Variants in AKIRIN2 observed in about 807,000 individuals in gnomAD.
AKIRIN2 encodes akirin-2.
Under a neutral mutation model 29.3 loss-of-function variants are expected in AKIRIN2, and 6 were observed. The observed-to-expected ratio is 0.20, with a 90% CI of 0.11 to 0.40. AKIRIN2 has a LOEUF of 0.40. Ranked by LOEUF, AKIRIN2 falls within the 10% of genes least tolerant of loss-of-function variation. The pLI, the probability that AKIRIN2 is intolerant of heterozygous loss-of-function variation, is 1.00. For missense variants in AKIRIN2, 210 were observed against 276.1 expected (o/e 0.76, Z 1.70); for synonymous variants, 128 against 117.5 (o/e 1.09, Z -0.58).
chr6:87,697,260 T>G (rs1771385334), intron 1 of AKIRIN2, among the ~76,000 whole-genome samples: 1 of 149,650 alleles, frequency 6.7e-6, no homozygotes, highest in Admixed American at 6.6e-5. Flanking sequence ...TTGCAATGAG[T>G]TGAGATCATG....
chr6:87,684,343 A>G (rs1273344852), intron 1 of AKIRIN2, among the ~76,000 whole-genome samples: 1 of 152,236 alleles, frequency 6.6e-6, no homozygotes, highest in Non-Finnish European at 1.5e-5. Flanking sequence ...CCATACCATC[A>G]GATACTTAGG....
At chr6:87,692,114 AAC>A (rs1159014535) in intron 1 of AKIRIN2, among the ~76,000 whole-genome samples, 1 of 152,214 alleles carries the variant, frequency 6.6e-6, no homozygotes, top group Non-Finnish European at 1.5e-5. Flanking sequence ...ATGATACTAG[AAC>A]AGGACAGGCT....
Position 87,684,200 on chromosome 6 carries a change from A to G in AKIRIN2, c.236-2437T>C, listed in dbSNP as rs1376172235. Among the ~76,000 whole-genome samples the G allele has an allele frequency of 3.9e-5, 6 of 152,328 alleles. No individual in the cohort carries two copies. The East Asian group carries it at 1.2e-3, about 29-fold the overall frequency. The stretch of plus-strand genomic sequence containing the variant: ...TACTTCTGCTTCACAAGTCAACCAA[A>G]GCACAACTAAAATGTACCAAAAGAA... On this transcript the variant is annotated intron_variant, in intron 1 of 4. Coordinates refer to ENST00000257787, the MANE Select transcript of AKIRIN2 (RefSeq NM_018064.4).
intron 1 of AKIRIN2, among the ~76,000 whole-genome samples, chr6:87,692,660 A>G (rs1771294372): frequency 6.6e-6 from 1 of 152,106 alleles, no homozygotes; most frequent in African/African-American, 2.4e-5. Context: ...AAAAATACAA[A>G]AATTAGCTGG....
Position 87,702,218 on chromosome 6 carries a change from T to A in AKIRIN2, c.-534A>T. ...AGCGAACACGTCCAACCGCTTCCCCTCCCTCGTAGAACTCTCCCACCCGCC... is the reference window on the plus strand; with the variant it reads ...AGCGAACACGTCCAACCGCTTCCCCACCCTCGTAGAACTCTCCCACCCGCC... On this transcript the variant is annotated 5_prime_UTR_variant, in exon 1 of 5. Coordinates refer to ENST00000257787, the MANE Select transcript of AKIRIN2 (RefSeq NM_018064.4). The A allele has an allele frequency of 5.0e-6, 2 of 397,322 alleles. No homozygotes were observed. The highest frequency in any genetic ancestry group is 8.9e-6 in the Non-Finnish European group (2 of 225,610). 24.6% of individuals were successfully genotyped at this position (397,322 alleles called of 1,614,324 possible). A position where few individuals can be genotyped will look rare whatever the true frequency, so the allele number is the denominator to read the frequency against.
At chr6:87,676,858 C>T (rs542874142) in intron 3 of AKIRIN2, among the ~76,000 whole-genome samples, 47 of 151,072 alleles carry the variant, frequency 3.1e-4, no homozygotes, top group African/African-American at 1.1e-3. Context: ...GGGCAGATCA[C>T]GAGGTCAGGA....
At chr6:87,697,126 T>C (rs1771382801) in intron 1 of AKIRIN2, among the ~76,000 whole-genome samples, 1 of 151,272 alleles carries the variant, frequency 6.6e-6, no homozygotes, top group Non-Finnish European at 1.5e-5. Flanking sequence ...CATGCCAACA[T>C]GGTGAAACCC....
intron 3 of AKIRIN2, among the ~76,000 whole-genome samples, chr6:87,676,195 T>C (rs1380437219): frequency 2.6e-5 from 4 of 152,056 alleles, no homozygotes; most frequent in East Asian, 3.9e-4. Flanking sequence ...CCGGGTGCGG[T>C]GGCTCACGCC....
At chr6:87,676,421 G>T (rs1193202992) in intron 3 of AKIRIN2, among the ~76,000 whole-genome samples, 1 of 115,196 alleles carries the variant, frequency 8.7e-6, no homozygotes, top group South Asian at 3.0e-4. Context: ...AGCCAAGAAC[G>T]CGCCACTGCA....
intron 1 of AKIRIN2, among the ~76,000 whole-genome samples, chr6:87,692,833 G>C (rs1001218006): frequency 6.6e-6 from 1 of 151,898 alleles, no homozygotes; most frequent in African/African-American, 2.4e-5. Context: ...ATATCACAAC[G>C]AGGAAAGTTA....
At chr6:87,694,438 T>C (rs1177308752) in intron 1 of AKIRIN2, among the ~76,000 whole-genome samples, 2 of 152,200 alleles carry the variant, frequency 1.3e-5, no homozygotes, top group Non-Finnish European at 2.9e-5. Context: ...TGCTCTATCA[T>C]CAGTCTCTCA....
In AKIRIN2 at chr6:87,701,878, G is replaced by A; in HGVS notation, c.-194C>T. ...CGCTGCCTCCGCGGCAGGGGCAGTG[G>A]CCAGGGACGGCCCGGGTGAGAGCGG... is the stretch of plus-strand genomic sequence containing the variant. On this transcript the variant is annotated 5_prime_UTR_variant, in exon 1 of 5. Coordinates refer to ENST00000257787, the MANE Select transcript of AKIRIN2 (RefSeq NM_018064.4). 2.3e-6 allele frequency: 1 copy of A among 439,730 alleles called. No homozygotes were observed. Among genetic ancestry groups the A allele is most frequent in the Non-Finnish European group, 4.0e-6 (1 of 250,708 alleles). 27.2% of individuals were successfully genotyped at this position (439,730 alleles called of 1,614,324 possible). A position where few individuals can be genotyped will look rare whatever the true frequency, so the allele number is the denominator to read the frequency against.
At chr6:87,675,824 A>T in intron 4 of AKIRIN2, 36 bp downstream of exon 4, 2 of 1,581,198 alleles carry the variant, frequency 1.3e-6, no homozygotes, top group Non-Finnish European at 1.7e-6. Flanking sequence ...AGACAGTCTT[A>T]TTTTCAGTTT....
chr6:87,680,492 C>T (rs1016676420), intron 2 of AKIRIN2, among the ~76,000 whole-genome samples: 3 of 148,766 alleles, frequency 2.0e-5, no homozygotes, highest in Non-Finnish European at 3.0e-5. Flanking sequence ...AGGATGTTCT[C>T]GATATCCTGA....
chr6:87,684,454 TG>T (rs960935111), intron 1 of AKIRIN2, among the ~76,000 whole-genome samples: 3 of 152,212 alleles, frequency 2.0e-5, no homozygotes, highest in African/African-American at 7.2e-5. Flanking sequence ...CATACAGTTT[TG>T]GAACTAACGT....
At chr6:87,680,795 G>A in intron 2 of AKIRIN2, among the ~76,000 whole-genome samples, 1 of 121,864 alleles carries the variant, frequency 8.2e-6, no homozygotes, top group African/African-American at 3.3e-5. Flanking sequence ...TTAAAAAAAA[G>A]GAAGGTTATT....
At chr6:87,695,217 GA>G (rs996659677) in intron 1 of AKIRIN2, among the ~76,000 whole-genome samples, 1 of 152,140 alleles carries the variant, frequency 6.6e-6, no homozygotes, top group African/African-American at 2.4e-5. Flanking sequence ...AATGAAGAGA[GA>G]AATATACTTA....
At chr6:87,697,330 A>AT (rs1469874741) in intron 1 of AKIRIN2, among the ~76,000 whole-genome samples, 1 of 151,250 alleles carries the variant, frequency 6.6e-6, no homozygotes, top group African/African-American at 2.4e-5. Context: ...AAAAAGCTCT[A>AT]TATTAGTAAT....
chr6:87,688,846 T>C (rs887334930), intron 1 of AKIRIN2, among the ~76,000 whole-genome samples: 1 of 152,020 alleles, frequency 6.6e-6, no homozygotes, highest in Non-Finnish European at 1.5e-5. Flanking sequence ...AAACATTTGG[T>C]TCCAAGGCAG....
Sources: gnomAD v4.1 joint callset for allele counts (sites outside exome capture counted in the v4.1 genomes callset) on GRCh38, gnomAD v4.1.1 for gene constraint, MANE v1.5 for transcripts, NCBI Gene and HGNC (gene_info 2026-07-23, HGNC 2026-07-21) for gene names.